The following HTR1D variants were observed in gnomAD, a reference collection of about 807,000 sequenced individuals.
HTR1D encodes the protein 5-hydroxytryptamine receptor 1D, also known as 5-HT-1D.
HTR1D carries 18 observed loss-of-function variants against 21.1 expected under a neutral mutation model. That is an observed-to-expected ratio of 0.85 (90% CI 0.59 to 1.27). The LOEUF (loss-of-function observed/expected upper bound fraction) is 1.27. Among genes scored for constraint, HTR1D ranks in the 50% most tolerant of loss-of-function variants. The pLI is 0.00. For synonymous variants in HTR1D, 196 were observed against 204.4 expected, an observed-to-expected ratio of 0.96 and a Z score of 0.35; for missense variants, 456 against 481.4, an observed-to-expected ratio of 0.95 and a Z score of 0.49.
At chr1:23,197,771 G>A (rs185007496) in intron 1 of HTR1D, among the ~76,000 whole-genome samples, 73 of 151,502 alleles carry the variant, frequency 4.8e-4, no homozygotes, top group Middle Eastern at 3.4e-3. Flanking sequence ...GTGTGGTGGC[G>A]TATGCCAGTA....
chr1:23,213,795 G>C (rs1644763252), intron 1 of HTR1D, among the ~76,000 whole-genome samples: 1 of 152,250 alleles, frequency 6.6e-6, no homozygotes, highest in East Asian at 1.9e-4. Flanking sequence ...CTGGGCTCCA[G>C]CAGTTTGCCC....
intron 1 of HTR1D, among the ~76,000 whole-genome samples, chr1:23,206,965 G>C (rs886851389): frequency 2.0e-5 from 3 of 152,174 alleles, no homozygotes; most frequent in Non-Finnish European, 4.4e-5. Flanking sequence ...GCTTGGCTTT[G>C]CTGCGAACTT....
At chr1:23,213,300 T>TA (rs1644761065) in intron 1 of HTR1D, among the ~76,000 whole-genome samples, 1 of 151,136 alleles carries the variant, frequency 6.6e-6, no homozygotes, top group Non-Finnish European at 1.5e-5. Context: ...GCCAACATGG[T>TA]GAAACCCCGT....
chr1:23,198,094 G>A (rs1262005333), intron 1 of HTR1D, among the ~76,000 whole-genome samples: 8 of 151,018 alleles, frequency 5.3e-5, no homozygotes, highest in South Asian at 2.1e-4. Context: ...AGTGTGGGCC[G>A]GGCGCAATGG....
rs779556863 is a variant in HTR1D at position 23,193,333 on chromosome 1, T to C, written c.887A>G (p.Glu296Gly). Residue 296 changes from glutamate (E) to glycine (G), a missense_variant, in exon 2 of 2, where the codon GAA (glutamate) becomes GGA (glycine). Glu to Gly is a moderately conservative substitution (Grantham distance 98, BLOSUM62 -2). Coordinates refer to ENST00000374619, the MANE Select transcript of HTR1D (RefSeq NM_000864.5). ...GCCCAGGATTTTAGTGGCTTTCCTT[T>C]CTCGAGCAGCAGAAATCCTCTTGCG... The part of the protein sequence containing the change: ...LERKRISAAR[E>G]RKATKILGII... The C allele has an allele frequency of 1.2e-6, 2 of 1,614,120 alleles. No individual in the cohort carries two copies. The highest frequency in any genetic ancestry group is 1.7e-6 in the Non-Finnish European group (2 of 1,180,016).
At chr1:23,197,842 G>C (rs1557721089) in intron 1 of HTR1D, among the ~76,000 whole-genome samples, 1 of 152,084 alleles carries the variant, frequency 6.6e-6, no homozygotes, top group Non-Finnish European at 1.5e-5. Flanking sequence ...TTCAAGACCA[G>C]CCTGGGCAAC....
intron 1 of HTR1D, among the ~76,000 whole-genome samples, chr1:23,216,160 G>C (rs1397833183): frequency 6.6e-6 from 1 of 152,240 alleles, no homozygotes; most frequent in Non-Finnish European, 1.5e-5. Flanking sequence ...CCAGCCAGTG[G>C]CTGTGTGATC....
intron 1 of HTR1D, among the ~76,000 whole-genome samples, chr1:23,196,732 T>C (rs1474770980): frequency 6.6e-6 from 1 of 152,166 alleles, no homozygotes; most frequent in Non-Finnish European, 1.5e-5. Flanking sequence ...TCCCAACTTA[T>C]AATGACCCGA....
intron 1 of HTR1D, among the ~76,000 whole-genome samples, chr1:23,203,048 G>A (rs1302679351): frequency 6.6e-6 from 1 of 151,872 alleles, no homozygotes; most frequent in African/African-American, 2.4e-5. Flanking sequence ...CGGAGTAGCC[G>A]GCCACCACGC....
chr1:23,196,717 G>A (rs1038817967), intron 1 of HTR1D, among the ~76,000 whole-genome samples: 6 of 152,120 alleles, frequency 3.9e-5, no homozygotes, highest in South Asian at 2.1e-4. Flanking sequence ...AGTGGGCAAC[G>A]TGGCTCCCAA....
chr1:23,206,178 A>G (rs1644730041), intron 1 of HTR1D, among the ~76,000 whole-genome samples: 1 of 151,976 alleles, frequency 6.6e-6, no homozygotes, highest in South Asian at 2.1e-4. Context: ...AGTAGCTGGG[A>G]CTACAGATGC....
At chr1:23,216,142 C>T (rs1229689421) in intron 1 of HTR1D, among the ~76,000 whole-genome samples, 1 of 152,226 alleles carries the variant, frequency 6.6e-6, no homozygotes, top group Non-Finnish European at 1.5e-5. Context: ...GTGAGGAGGG[C>T]TGAGACCCCA....
chr1:23,199,123 G>A (rs1458343673), intron 1 of HTR1D, among the ~76,000 whole-genome samples: 2 of 151,772 alleles, frequency 1.3e-5, no homozygotes, highest in African/African-American at 4.8e-5. Flanking sequence ...CACCATGCCG[G>A]GCCTTTTTGA....
chr1:23,192,733 T>C lies in HTR1D; in HGVS notation c.*353A>G, dbSNP rs1262203376. 1 of 165,998 alleles carries C rather than the reference T, an allele frequency of 6.0e-6. No homozygotes were observed. The highest frequency in any genetic ancestry group is 2.4e-5 in the African/African-American group (1 of 41,360). 10.3% of individuals were successfully genotyped at this position (165,998 alleles called of 1,614,324 possible). A position where few individuals can be genotyped will look rare whatever the true frequency, so the allele number is the denominator to read the frequency against. The stretch of plus-strand genomic sequence containing the variant: ...CACACGTTTGTAGTCCCAGCTACTC[T>C]GGAGGCTGAGGCAGAATCTCTTGAA... On this transcript the variant is annotated 3_prime_UTR_variant, in exon 2 of 2. Transcript: ENST00000374619.
intron 1 of HTR1D, among the ~76,000 whole-genome samples, chr1:23,198,325 C>A (rs1644697447): frequency 6.8e-6 from 1 of 146,918 alleles, no homozygotes; most frequent in South Asian, 2.2e-4. Context: ...GAGATCGCGC[C>A]ACTGCACTCC....
rs1424266182 is a variant in HTR1D, at chr1:23,217,261, C to T, written c.-783+30G>A. On this transcript the variant is annotated intron_variant, in intron 1 of 1. Coordinates refer to ENST00000374619, the MANE Select transcript of HTR1D (RefSeq NM_000864.5). The surrounding 1 kb of genome is among the most constrained non-coding windows in gnomAD (Gnocchi z 4.6). ...GTTCCCCGCGGACGGCCGCTGGGGC[C>T]AGGCTGCAGACGCGGCCCCGAGAGC... Among the ~76,000 whole-genome samples the T allele has an allele frequency of 1.3e-5, 2 of 151,830 alleles. No individual in the cohort carries two copies. The highest frequency in any genetic ancestry group is 4.8e-5 in the African/African-American group (2 of 41,394).
chr1:23,207,399 A>G (rs1425112408), intron 1 of HTR1D, among the ~76,000 whole-genome samples: 1 of 151,196 alleles, frequency 6.6e-6, no homozygotes, highest in Non-Finnish European at 1.5e-5. Context: ...ACAGAATGAG[A>G]CTCCATCTCA....
chr1:23,191,939 T>A lies in HTR1D; in HGVS notation c.*1147A>T, dbSNP rs900577001. On this transcript the variant is annotated 3_prime_UTR_variant, in exon 2 of 2. Coordinates refer to ENST00000374619, the MANE Select transcript of HTR1D (RefSeq NM_000864.5). ...TTTTTATTTGATAAGACTCAACATC[T>A]CTAATGAGTTTTCAGATCTCTAATG... The A allele has an allele frequency of 1.3e-5, 2 of 151,270 alleles. No individual in the cohort carries two copies. The highest frequency in any genetic ancestry group is 4.9e-5 in the African/African-American group (2 of 41,140). The allele number at this position is 151,270 out of a possible 1,614,324, so 9.4% of individuals were successfully genotyped here.
intron 1 of HTR1D, among the ~76,000 whole-genome samples, chr1:23,206,227 A>G (rs1468778453): frequency 1.3e-5 from 2 of 152,084 alleles, no homozygotes; most frequent in Middle Eastern, 3.4e-3. Context: ...TATTTTTAGT[A>G]GAGACGGGGT....
Sources: allele counts gnomAD v4.1 joint callset (sites outside exome capture counted in the v4.1 genomes callset), GRCh38; gene constraint gnomAD v4.1.1; non-coding constraint Gnocchi (gnomAD v3.1); transcripts MANE v1.5; gene names NCBI Gene and HGNC (gene_info 2026-07-23, HGNC 2026-07-21).